FRYL: variants seen among roughly 807,000 people sequenced by gnomAD.
The protein encoded by FRYL is protein furry homolog-like.
Under a neutral mutation model 351.2 loss-of-function variants are expected in FRYL, and 150 were observed. The ratio of observed to expected loss-of-function variants is 0.43; its 90% CI spans 0.37 to 0.49. The LOEUF (loss-of-function observed/expected upper bound fraction) is 0.49. Ranked by LOEUF, FRYL falls within the 20% of genes least tolerant of loss-of-function variation. The pLI, the probability that FRYL is intolerant of heterozygous loss-of-function variation, is 0.00. For synonymous variants in FRYL, 1,153 were observed against 1,257.1 expected (o/e 0.92, Z 1.75); for missense variants, 3,036 against 3,619.3 (o/e 0.84, Z 4.13).
intron 60 of FRYL, among the ~76,000 whole-genome samples, chr4:48,503,269 A>C (rs1260781255): frequency 6.6e-6 from 1 of 152,158 alleles, no homozygotes; most frequent in Non-Finnish European, 1.5e-5. Flanking sequence ...CTCAGAAAAG[A>C]ATTGGCTTAT....
At chr4:48,688,927 G>A (rs1430527290) in intron 2 of FRYL, among the ~76,000 whole-genome samples, 5 of 152,078 alleles carry the variant, frequency 3.3e-5, no homozygotes, top group Admixed American at 2.0e-4. Flanking sequence ...GCCTCCCAAA[G>A]TGCTGGGATT....
intron 47 of FRYL, among the ~76,000 whole-genome samples, chr4:48,536,831 A>C (rs1728998329): frequency 6.6e-6 from 1 of 152,216 alleles, no homozygotes; most frequent in South Asian, 2.1e-4. Flanking sequence ...AATGAATATC[A>C]CTAATTTTGG....
Position 48,549,672 on chromosome 4 carries a change from A to G in FRYL, c.4634-49T>C, listed in dbSNP as rs1233971293. ...TTTCTACACCATCTAATTTCTGCCA[A>G]TATAAGCAAACTCTAGTAAGATCCC... On this transcript the variant is annotated intron_variant, in intron 38 of 63. Transcript: ENST00000358350. The surrounding 1 kb of genome is among the most constrained non-coding windows in gnomAD (Gnocchi z 4.2). The G allele has an allele frequency of 2.7e-6, 4 of 1,487,778 alleles. No individual in the cohort carries two copies. The highest frequency in any genetic ancestry group is 2.8e-5 in the African/African-American group (2 of 72,304). The allele number at this position is 1,487,778 out of a possible 1,614,324, so 92.2% of individuals were successfully genotyped here.
intron 18 of FRYL, among the ~76,000 whole-genome samples, chr4:48,589,025 T>C (rs1742706568): frequency 6.6e-6 from 1 of 152,134 alleles, no homozygotes. Flanking sequence ...TCAGAGATAT[T>C]AGCATATAGT....
At chr4:48,615,367 T>C (rs546829428) in intron 7 of FRYL, among the ~76,000 whole-genome samples, 1 of 152,318 alleles carries the variant, frequency 6.6e-6, no homozygotes, top group African/African-American at 2.4e-5. Context: ...ATAAAAGATA[T>C]CACCACCTTC....
At position 48,557,659 on chromosome 4, in the gene FRYL, G is replaced by A. The variant is rs1303994669; in HGVS notation, c.3919C>T (p.His1307Tyr). ...TTGTTCATCCATGGTAGCAGGTAGT[G>A]CAGCATCACCTGCCGCCCAGCAGGG... Reference protein sequence around the residue: ...AHPAGRQVMLHYLLPWMNNIE... With the variant: ...AHPAGRQVMLYYLLPWMNNIE... Residue 1307 changes from histidine to tyrosine, a missense_variant, in exon 34 of 64, where the codon CAC becomes TAC. Transcript: ENST00000358350. 8 of 1,614,146 alleles carry A rather than the reference G, an allele frequency of 5.0e-6. No individual in the cohort carries two copies. The highest frequency in any genetic ancestry group is 3.3e-5 in the Admixed American group (2 of 60,024).
intron 2 of FRYL, among the ~76,000 whole-genome samples, chr4:48,695,573 CT>C (rs1351374462): frequency 1.3e-5 from 2 of 151,946 alleles, no homozygotes; most frequent in Admixed American, 1.3e-4. Flanking sequence ...ATTCTTGTTA[CT>C]TTGTCCATAA....
chr4:48,766,236 T>G (rs1488426445), intron 1 of FRYL, among the ~76,000 whole-genome samples: 1 of 152,176 alleles, frequency 6.6e-6, no homozygotes, highest in African/African-American at 2.4e-5. Context: ...TGAGTCTGGT[T>G]TGTGAGGAAC....
rs747305102 is a variant in FRYL at position 48,515,280 on chromosome 4, A to AAAAC, written c.7690-9_7690-6dup. ...CTTTAATACTGAAGTTGTATCCTAC[A>AAAAC]AAACAATCATAGTTTTAGTGAACTA... On this transcript the variant is annotated splice_polypyrimidine_tract_variant and splice_region_variant and intron_variant, in intron 55 of 63. Coordinates refer to ENST00000358350, the MANE Select transcript of FRYL (RefSeq NM_015030.2). 3.8e-6 allele frequency: 6 copies of AAAAC among 1,591,128 alleles called. No homozygotes were observed. In the African/African-American group the frequency reaches 6.8e-5, roughly 18 times the overall value.
At chr4:48,627,255 AG>A (rs1209476811) in intron 4 of FRYL, among the ~76,000 whole-genome samples, 1 of 152,062 alleles carries the variant, frequency 6.6e-6, no homozygotes, top group Non-Finnish European at 1.5e-5. Context: ...TGGGGAATAC[AG>A]TAAGAGGTTT....
At chr4:48,777,693 A>C (rs1418660211) in intron 1 of FRYL, among the ~76,000 whole-genome samples, 2 of 152,262 alleles carry the variant, frequency 1.3e-5, no homozygotes, top group East Asian at 3.8e-4. Flanking sequence ...AAAGTTGAGA[A>C]ATTCTTTTAT....
chr4:48,591,232 C>T (rs1390288530), intron 16 of FRYL, among the ~76,000 whole-genome samples: 1 of 152,192 alleles, frequency 6.6e-6, no homozygotes, highest in African/African-American at 2.4e-5. Flanking sequence ...TATACCTGCA[C>T]CTCTTCTCCC....
Position 48,540,931 on chromosome 4 carries a change from T to C in FRYL, c.5717A>G (p.Asn1906Ser). ...QTSYHDPIMGNKYAANRKSTG... is the reference protein window; with the variant it reads ...QTSYHDPIMGSKYAANRKSTG... The stretch of plus-strand genomic sequence containing the variant: ...GCTTTTCCTGTTAGCTGCATACTTG[T>C]TTCCCATTATAGGATCATGATATGA... Residue 1906 changes from asparagine (N) to serine (S), a missense_variant, in exon 46 of 64, where the codon AAC becomes AGC. This residue lies in a region of FRYL where 1,987 missense variants were observed against 2,311.7 expected (regional missense o/e 0.86). Coordinates refer to ENST00000358350, the MANE Select transcript of FRYL (RefSeq NM_015030.2). 6.2e-7 allele frequency: 1 copy of C among 1,604,436 alleles called. No individual in the cohort carries two copies. The highest frequency in any genetic ancestry group is 1.3e-5 in the African/African-American group (1 of 74,838).
At chr4:48,519,918 G>T (rs1724541176) in intron 55 of FRYL, among the ~76,000 whole-genome samples, 1 of 152,138 alleles carries the variant, frequency 6.6e-6, no homozygotes, top group Non-Finnish European at 1.5e-5. Context: ...ATTTTTAGTA[G>T]AGACGGAGTT....
At chr4:48,694,507 G>A (rs1377555638) in intron 2 of FRYL, among the ~76,000 whole-genome samples, 2 of 152,030 alleles carry the variant, frequency 1.3e-5, no homozygotes, top group Non-Finnish European at 2.9e-5. Flanking sequence ...ATGTTGCCCA[G>A]GCTGGTCTTG....
intron 1 of FRYL, among the ~76,000 whole-genome samples, chr4:48,765,427 T>C (rs1391006883): frequency 6.6e-6 from 1 of 152,176 alleles, no homozygotes; most frequent in Non-Finnish European, 1.5e-5. Context: ...AATAATGGTT[T>C]GGGAAAACTG....
chr4:48,663,602 C>T (rs891253893), intron 3 of FRYL, among the ~76,000 whole-genome samples: 2 of 150,708 alleles, frequency 1.3e-5, no homozygotes, highest in African/African-American at 2.4e-5. Context: ...GGTGAAACCC[C>T]GTCTCTACTA....
intron 3 of FRYL, among the ~76,000 whole-genome samples, chr4:48,674,581 C>CA (rs1245650375): frequency 6.6e-6 from 1 of 151,346 alleles, no homozygotes; most frequent in African/African-American, 2.4e-5. Context: ...ACTAAAAATA[C>CA]AAAAAATTAG....
chr4:48,630,245 C>T (rs1752687061), intron 4 of FRYL, among the ~76,000 whole-genome samples: 1 of 152,138 alleles, frequency 6.6e-6, no homozygotes, highest in Non-Finnish European at 1.5e-5. Flanking sequence ...TTCCAATCAA[C>T]TGTGTTTCAT....
Sources: gnomAD v4.1 joint callset for allele counts (sites outside exome capture counted in the v4.1 genomes callset) on GRCh38, gnomAD v4.1.1 for gene constraint, gnomAD v4.1.1 regional missense constraint, Gnocchi (gnomAD v3.1) non-coding constraint, MANE v1.5 for transcripts, NCBI Gene and HGNC (gene_info 2026-07-23, HGNC 2026-07-21) for gene names.